Variants in SYNPR observed in about 807,000 individuals in gnomAD.
SYNPR encodes synaptoporin.
A neutral mutation model predicts 32.9 loss-of-function variants in SYNPR; 23 were observed. That is an observed-to-expected ratio of 0.70 (90% CI 0.50 to 0.99). The LOEUF is 0.99. Ranked by LOEUF, SYNPR falls within the 50% of genes least tolerant of loss-of-function variation. SYNPR has a pLI of 0.00. For synonymous variants in SYNPR, 146 were observed against 135.9 expected, an observed-to-expected ratio of 1.07 and a Z score of -0.52; for missense variants, 318 against 349.3, an observed-to-expected ratio of 0.91 and a Z score of 0.71.
chr3:63,382,291 G>A (rs2087980498), intron 2 of SYNPR, among the ~76,000 whole-genome samples: 1 of 152,146 alleles, frequency 6.6e-6, no homozygotes, highest in Non-Finnish European at 1.5e-5. Flanking sequence ...GAAAGTTCTG[G>A]CTCTCTACTC....
chr3:63,339,204 A>T (rs1336806797), intron 2 of SYNPR, among the ~76,000 whole-genome samples: 1 of 152,216 alleles, frequency 6.6e-6, no homozygotes, highest in Non-Finnish European at 1.5e-5. Context: ...TGTCTTTATT[A>T]AACACATTTT....
chr3:63,532,240 C>T (rs1291665547), intron 3 of SYNPR, among the ~76,000 whole-genome samples: 1 of 152,124 alleles, frequency 6.6e-6, no homozygotes, highest in Non-Finnish European at 1.5e-5. Flanking sequence ...ATCGTATGTT[C>T]CCTGGCTCCA....
At chr3:63,251,557 G>A (rs1001466467) in intron 1 of SYNPR, among the ~76,000 whole-genome samples, 3 of 152,178 alleles carry the variant, frequency 2.0e-5, no homozygotes, top group African/African-American at 4.8e-5. Flanking sequence ...GCTGTGTGGT[G>A]TAACTAAAAT....
At chr3:63,228,692 GAA>G (rs1234564553) in intron 1 of SYNPR, among the ~76,000 whole-genome samples, 2 of 151,690 alleles carry the variant, frequency 1.3e-5, no homozygotes, top group African/African-American at 4.8e-5. Flanking sequence ...AAAGAACAAA[GAA>G]AGAGAGAATT....
At chr3:63,560,037 T>G (rs1398459030) in intron 4 of SYNPR, among the ~76,000 whole-genome samples, 1 of 152,218 alleles carries the variant, frequency 6.6e-6, no homozygotes, top group African/African-American at 2.4e-5. Context: ...GCATGCTGCT[T>G]TATCTCTGTG....
At chr3:63,285,256 T>C (rs1362562662) in intron 2 of SYNPR, among the ~76,000 whole-genome samples, 1 of 152,234 alleles carries the variant, frequency 6.6e-6, no homozygotes, top group African/African-American at 2.4e-5. Flanking sequence ...TAGTTATTAA[T>C]TAATCAAGGT....
chr3:63,478,374 G>A (rs900220126), intron 2 of SYNPR, among the ~76,000 whole-genome samples: 12 of 152,084 alleles, frequency 7.9e-5, no homozygotes, highest in African/African-American at 1.9e-4. Flanking sequence ...ACATTTTAAC[G>A]TCTCAAGGAT....
chr3:63,375,315 C>A (rs914325709), intron 2 of SYNPR, among the ~76,000 whole-genome samples: 4 of 152,178 alleles, frequency 2.6e-5, no homozygotes, highest in Middle Eastern at 6.3e-3. Flanking sequence ...AGACTTGGAA[C>A]CAACCCAAAT....
chr3:63,391,480 T>C (rs2088136172), intron 2 of SYNPR, among the ~76,000 whole-genome samples: 1 of 152,188 alleles, frequency 6.6e-6, no homozygotes, highest in Non-Finnish European at 1.5e-5. Flanking sequence ...AATAGCACCA[T>C]AAGCATCCAC....
chr3:63,426,250 A>T (rs1254823226), intron 2 of SYNPR, among the ~76,000 whole-genome samples: 1 of 152,176 alleles, frequency 6.6e-6, no homozygotes, highest in Non-Finnish European at 1.5e-5. Context: ...TTGTCTTCTC[A>T]AACGTTATTC....
intron 2 of SYNPR, among the ~76,000 whole-genome samples, chr3:63,265,241 C>CTTTTTTT (rs71126590): frequency 2.0e-5 from 2 of 102,198 alleles, no homozygotes; most frequent in Non-Finnish European, 3.8e-5. Context: ...TAATGACATT[C>CTTTTTTT]TTTTTTTTTT....
At chr3:63,562,283 A>G (rs1702704454) in intron 4 of SYNPR, among the ~76,000 whole-genome samples, 1 of 152,228 alleles carries the variant, frequency 6.6e-6, no homozygotes, top group African/African-American at 2.4e-5. Context: ...GATTTTTAAA[A>G]GCAACTTATC....
At chr3:63,239,148 G>T (rs548871799) in intron 1 of SYNPR, among the ~76,000 whole-genome samples, 13 of 152,184 alleles carry the variant, frequency 8.5e-5, no homozygotes, top group African/African-American at 3.1e-4. Context: ...TCTCATTATA[G>T]ATGTGGATTC....
the SYNPR span, among the ~76,000 whole-genome samples, chr3:63,209,111 G>A: frequency 6.6e-6 from 1 of 152,052 alleles, no homozygotes; most frequent in East Asian, 1.9e-4. Flanking sequence ...ATCCTTTTAT[G>A]TTTTAAACCA....
At chr3:63,435,135 G>A (rs911965352) in intron 2 of SYNPR, among the ~76,000 whole-genome samples, 5 of 152,150 alleles carry the variant, frequency 3.3e-5, no homozygotes, top group Admixed American at 6.5e-5. Context: ...GCGCACATTC[G>A]CAAGACTGGG....
chr3:63,418,634 A>T (rs1031806247), intron 2 of SYNPR, among the ~76,000 whole-genome samples: 4 of 152,230 alleles, frequency 2.6e-5, no homozygotes, highest in Admixed American at 2.6e-4. Context: ...ACTATGGTGG[A>T]AAACAAAGAG....
intron 4 of SYNPR, among the ~76,000 whole-genome samples, chr3:63,599,058 C>T (rs986939261): frequency 1.1e-4 from 16 of 152,100 alleles, no homozygotes; most frequent in Non-Finnish European, 1.3e-4. Flanking sequence ...TAACTGCAAG[C>T]CTTCTGCTTA....
At chr3:63,387,745 A>G (rs6445341) in intron 2 of SYNPR, among the ~76,000 whole-genome samples, 106,678 of 152,006 alleles carry the variant, frequency 0.7, 38,627 homozygotes, top group African/African-American at 0.89. Context: ...GGCATTATGT[A>G]GTGGAGGCTA....
intron 2 of SYNPR, among the ~76,000 whole-genome samples, chr3:63,370,847 A>G (rs2087802911): frequency 6.6e-6 from 1 of 152,194 alleles, no homozygotes; most frequent in Admixed American, 6.5e-5. Context: ...AGTTAGAGAA[A>G]GACCCCTATA....
Sources: allele counts gnomAD v4.1 joint callset (sites outside exome capture counted in the v4.1 genomes callset), GRCh38; gene constraint gnomAD v4.1.1; transcripts MANE v1.5; gene names NCBI Gene and HGNC (gene_info 2026-07-23, HGNC 2026-07-21).